Variants in CSMD1 observed in about 807,000 individuals in gnomAD.
CSMD1 encodes the protein CUB and sushi domain-containing protein 1.
Under a neutral mutation model 417.5 loss-of-function variants are expected in CSMD1, and 213 were observed. The ratio of observed to expected loss-of-function variants is 0.51; its 90% CI spans 0.46 to 0.57. The LOEUF (loss-of-function observed/expected upper bound fraction) is 0.57. Among genes scored for constraint, CSMD1 ranks in the 20% least tolerant of loss-of-function variants. The pLI, the probability that CSMD1 is intolerant of heterozygous loss-of-function variation, is 0.00. For missense variants in CSMD1, 6,923 were observed against 4,529.7 expected (o/e 1.53, Z -15.17); for synonymous variants, 2,862 against 1,736.8 (o/e 1.65, Z -16.11).
At chr8:4,259,097 C>A (rs1803689132) in intron 3 of CSMD1, among the ~76,000 whole-genome samples, 1 of 152,136 alleles carries the variant, frequency 6.6e-6, no homozygotes. Flanking sequence ...GTAGCATTTA[C>A]CTCTGAAAGG....
At chr8:3,524,439 GCACGCACA>G (rs1797667394) in intron 10 of CSMD1, among the ~76,000 whole-genome samples, 1 of 138,524 alleles carries the variant, frequency 7.2e-6, no homozygotes, top group African/African-American at 2.8e-5. Flanking sequence ...ATCTGCATCT[GCACGCACA>G]CATGCACATA....
chr8:4,989,573 T>A (rs1372578141), intron 1 of CSMD1, among the ~76,000 whole-genome samples: 2 of 152,298 alleles, frequency 1.3e-5, no homozygotes, highest in Non-Finnish European at 1.5e-5. Context: ...TGCAACTTCT[T>A]AGTTATCTTA....
intron 5 of CSMD1, among the ~76,000 whole-genome samples, chr8:3,990,180 C>G (rs894798257): frequency 6.6e-6 from 1 of 152,036 alleles, no homozygotes; most frequent in Non-Finnish European, 1.5e-5. Context: ...GGGCCACATA[C>G]AAAAAGAAAG....
At chr8:3,700,585 C>T (rs1234997296) in intron 7 of CSMD1, 2 of 152,082 alleles carry the variant, frequency 1.3e-5, no homozygotes, top group East Asian at 3.9e-4. Flanking sequence ...TGTGGATGCT[C>T]AAGATACATG....
intron 51 of CSMD1, among the ~76,000 whole-genome samples, chr8:3,027,036 G>C (rs940764065): frequency 6.6e-6 from 1 of 152,024 alleles, no homozygotes; most frequent in African/African-American, 2.4e-5. Flanking sequence ...CACACACTAC[G>C]ACATCTAAGA....
At chr8:4,350,263 A>T (rs1031821183) in intron 3 of CSMD1, among the ~76,000 whole-genome samples, 1 of 152,114 alleles carries the variant, frequency 6.6e-6, no homozygotes, top group Non-Finnish European at 1.5e-5. Context: ...TGGAAGCCTC[A>T]CTCTAGGGGA....
chr8:4,078,666 A>G (rs189311199), intron 3 of CSMD1, among the ~76,000 whole-genome samples: 2 of 151,420 alleles, frequency 1.3e-5, no homozygotes, highest in African/African-American at 4.9e-5. Context: ...CCTTTTGAGA[A>G]AAAACTTGCT....
At chr8:4,713,722 C>A (rs1808461551) in intron 1 of CSMD1, among the ~76,000 whole-genome samples, 1 of 152,166 alleles carries the variant, frequency 6.6e-6, no homozygotes, top group Non-Finnish European at 1.5e-5. Context: ...CCTCCCCAAA[C>A]CCCAAACCTG....
chr8:3,954,012 C>A (rs1027275101), intron 5 of CSMD1, among the ~76,000 whole-genome samples: 1 of 152,256 alleles, frequency 6.6e-6, no homozygotes, highest in East Asian at 1.9e-4. Context: ...CAGGTCTCAG[C>A]GCCACCTGCT....
chr8:4,967,082 T>G (rs563311520), intron 1 of CSMD1, among the ~76,000 whole-genome samples: 1 of 152,174 alleles, frequency 6.6e-6, no homozygotes, highest in East Asian at 1.9e-4. Flanking sequence ...AGTCACTGAT[T>G]TGAAATGTCT....
At chr8:4,034,123 T>A (rs1797496732) in intron 3 of CSMD1, among the ~76,000 whole-genome samples, 1 of 152,228 alleles carries the variant, frequency 6.6e-6, no homozygotes, top group South Asian at 2.1e-4. Flanking sequence ...GAATAATATT[T>A]TCTGTTTTAT....
At chr8:4,044,640 C>T (rs147759468) in intron 3 of CSMD1, among the ~76,000 whole-genome samples, 281 of 152,312 alleles carry the variant, frequency 1.8e-3, no homozygotes, top group African/African-American at 6.5e-3. Flanking sequence ...ACATAGCGCA[C>T]CCTGTACGTG....
intron 1 of CSMD1, among the ~76,000 whole-genome samples, chr8:4,736,195 A>C (rs1810223865): frequency 6.6e-6 from 1 of 152,186 alleles, no homozygotes; most frequent in Admixed American, 6.5e-5. Context: ...ATGTTTAATT[A>C]TCTGTGCAGG....
intron 1 of CSMD1, among the ~76,000 whole-genome samples, chr8:4,931,042 AC>A (rs1366129462): frequency 3.9e-5 from 6 of 152,202 alleles, no homozygotes; most frequent in Admixed American, 6.5e-5. Flanking sequence ...ATCTGCCCTT[AC>A]AAATCCTTGA....
intron 5 of CSMD1, among the ~76,000 whole-genome samples, chr8:3,934,787 C>T (rs1810373617): frequency 6.6e-6 from 1 of 152,064 alleles, no homozygotes; most frequent in African/African-American, 2.4e-5. Context: ...GCAGAGGTTA[C>T]AGTGAGCCAA....
intron 1 of CSMD1, among the ~76,000 whole-genome samples, chr8:4,797,875 G>A (rs546219599): frequency 1.8e-4 from 27 of 152,220 alleles, no homozygotes; most frequent in Middle Eastern, 3.4e-3. Flanking sequence ...TGGATTTTAC[G>A]AAAATCATCT....
At chr8:3,242,754 G>C (rs1462597395) in intron 26 of CSMD1, among the ~76,000 whole-genome samples, 1 of 151,730 alleles carries the variant, frequency 6.6e-6, no homozygotes, top group Non-Finnish European at 1.5e-5. Context: ...GAGACATGGA[G>C]GGAAGGGGTT....
intron 64 of CSMD1, among the ~76,000 whole-genome samples, chr8:2,954,608 C>T (rs1458383258): frequency 6.6e-6 from 1 of 152,058 alleles, no homozygotes; most frequent in Non-Finnish European, 1.5e-5. Flanking sequence ...AGGTAACACC[C>T]CACCCAAATA....
chr8:4,812,275 C>T (rs530792566), intron 1 of CSMD1, among the ~76,000 whole-genome samples: 2 of 152,116 alleles, frequency 1.3e-5, no homozygotes, highest in Non-Finnish European at 2.9e-5. Context: ...CTAAGTTTGT[C>T]GGGGAGGTGG....
Sources: gnomAD v4.1 joint callset for allele counts (sites outside exome capture counted in the v4.1 genomes callset) on GRCh38, gnomAD v4.1.1 for gene constraint, MANE v1.5 for transcripts, NCBI Gene and HGNC (gene_info 2026-07-23, HGNC 2026-07-21) for gene names.